The following F13B variants were observed in gnomAD, a reference collection of about 807,000 sequenced individuals.
F13B encodes the protein coagulation factor XIII B chain.
In F13B, 58 loss-of-function variants were observed where a neutral mutation model predicts 79.8. The ratio of observed to expected loss-of-function variants is 0.73; its 90% CI spans 0.59 to 0.90. The LOEUF is 0.90. Ranked by LOEUF, F13B falls within the 40% of genes least tolerant of loss-of-function variation. F13B has a pLI of 0.00. For missense variants in F13B, 773 were observed against 777.0 expected (o/e 0.99, Z 0.06); for synonymous variants, 283 against 260.3 (o/e 1.09, Z -0.84).
chr1:197,061,143 T>C lies in F13B; in HGVS notation c.452-68A>G, dbSNP rs1655847042. 12 of 847,326 alleles carry C rather than the reference T, an allele frequency of 1.4e-5. No homozygotes were observed. In the South Asian group the frequency reaches 2.2e-4, roughly 16 times the overall value. The allele number at this position is 847,326 out of a possible 1,614,324, so 52.5% of individuals were successfully genotyped here. Reference sequence around the variant, plus strand: ...ACCTAGATTATAAAAAATCTCAAAATATGGTTTTACAAATCTTAAGAATAC... The same window carrying C: ...ACCTAGATTATAAAAAATCTCAAAACATGGTTTTACAAATCTTAAGAATAC... On this transcript the variant is annotated intron_variant, in intron 3 of 11. Transcript: ENST00000367412.
rs1470382474 is a variant in F13B at position 197,053,432 on chromosome 1, G to C, written c.1355-598C>G. 2.0e-5 allele frequency among the ~76,000 whole-genome samples: 3 copies of C among 152,064 alleles called. No homozygotes were observed. In the East Asian group the frequency reaches 5.8e-4, roughly 29 times the overall value. ...ACAGTGAATAAGTCTCATGAGATCT[G>C]ATGGTTTTATAAAGGGGAGTTTCCC... On this transcript the variant is annotated intron_variant, in intron 8 of 11. Coordinates refer to ENST00000367412, the MANE Select transcript of F13B (RefSeq NM_001994.3).
intron 8 of F13B, among the ~76,000 whole-genome samples, 170 bp downstream of exon 8, chr1:197,055,545 A>C (rs972909826): frequency 2.0e-5 from 3 of 152,152 alleles, no homozygotes; most frequent in African/African-American, 7.2e-5. Context: ...ATATTTTACC[A>C]CAATAGAAAA....
chr1:197,067,247 AT>A lies in F13B; in HGVS notation c.-25del. On this transcript the variant is annotated 5_prime_UTR_variant, in exon 1 of 12. Transcript: ENST00000367412. Reference sequence around the variant, plus strand: ...ATCTTCAGTGGTGTGCTTCACAAAGATTTTAACAATTCTAAGCACTAGGAAC... The same window carrying A: ...ATCTTCAGTGGTGTGCTTCACAAAGATTTAACAATTCTAAGCACTAGGAAC... The A allele has an allele frequency of 1.3e-6, 2 of 1,563,306 alleles. No individual in the cohort carries two copies. The highest frequency in any genetic ancestry group is 1.8e-6 in the Non-Finnish European group (2 of 1,134,752).
Position 197,040,702 on chromosome 1 carries a change from T to G in F13B, c.1772A>C (p.Lys591Thr). The G allele has an allele frequency of 6.2e-7, 1 of 1,612,248 alleles. No homozygotes were observed. The highest frequency in any genetic ancestry group is 8.5e-7 in the Non-Finnish European group (1 of 1,178,838). The change falls in exon 11 of 12, where the codon AAG becomes ACG. Residue 591 changes from lysine (K) to threonine (T), a missense_variant. Coordinates refer to ENST00000367412, the MANE Select transcript of F13B (RefSeq NM_001994.3). Reference sequence around the variant, plus strand: ...ATCCCATTTCAGAAGTAAATTATTCTTTTCCATTTCAGTAAAAGATAATGT... The same window carrying G: ...ATCCCATTTCAGAAGTAAATTATTCGTTTCCATTTCAGTAAAAGATAATGT... ...PCTLSFTEME[K>T]NNLLLKWDFD...
chr1:197,048,432 T>A (rs962203063), intron 10 of F13B, among the ~76,000 whole-genome samples: 3 of 151,486 alleles, frequency 2.0e-5, no homozygotes, highest in Non-Finnish European at 4.4e-5. Context: ...AGTTAAGGGA[T>A]GGAAAAATGT....
intron 8 of F13B, 105 bp from the exon 9 acceptor site, chr1:197,052,939 A>C (rs1309885666): frequency 3.8e-6 from 3 of 796,942 alleles, no homozygotes; most frequent in Non-Finnish European, 2.0e-6. Context: ...AATATTTTAT[A>C]ATTGAAATCA....
Position 197,039,123 on chromosome 1 carries a change from A to G in F13B, c.*255T>C, listed in dbSNP as rs1654945603. 2.3e-6 allele frequency: 1 copy of G among 431,662 alleles called. No homozygotes were observed. Among genetic ancestry groups the G allele is most frequent in the East Asian group, 4.0e-5 (1 of 24,736 alleles). 26.7% of individuals were successfully genotyped at this position (431,662 alleles called of 1,614,324 possible). On this transcript the variant is annotated 3_prime_UTR_variant, in exon 12 of 12. Coordinates refer to ENST00000367412, the MANE Select transcript of F13B (RefSeq NM_001994.3). ...TCAATGGGCATTAGGAAATGAAAAT[A>G]TGATGTGTAGATTAATTTGTAACAG...
At chr1:197,044,025 C>A (rs967793515) in intron 10 of F13B, among the ~76,000 whole-genome samples, 2 of 151,092 alleles carry the variant, frequency 1.3e-5, no homozygotes, top group Admixed American at 6.6e-5. Flanking sequence ...TCCTATTCGG[C>A]CATCTTGGAA....
intron 3 of F13B, 43 bp from the exon 4 acceptor site, chr1:197,061,118 AC>A: frequency 1.0e-6 from 1 of 960,838 alleles, no homozygotes; most frequent in Non-Finnish European, 1.5e-6. Context: ...TTTTTTAATA[AC>A]CTAGATTATA....
At chr1:197,050,049 A>T (rs1165205673) in intron 10 of F13B, among the ~76,000 whole-genome samples, 1 of 152,158 alleles carries the variant, frequency 6.6e-6, no homozygotes, top group Non-Finnish European at 1.5e-5. Flanking sequence ...AAAAATATTT[A>T]TAACAACACA....
chr1:197,059,228 A>T (rs953512344), intron 5 of F13B, among the ~76,000 whole-genome samples: 1 of 152,170 alleles, frequency 6.6e-6, no homozygotes, highest in African/African-American at 2.4e-5. Flanking sequence ...AAAAATAAAA[A>T]ATAAATAAGG....
rs1484973129 is a variant in F13B at position 197,040,556 on chromosome 1, GC to G, written c.1917del (p.Gln640SerfsTer2). On this transcript the variant is annotated frameshift_variant, in exon 11 of 12. Coordinates refer to ENST00000367412, the MANE Select transcript of F13B (RefSeq NM_001994.3). LOFTEE classifies it low-confidence loss of function (END_TRUNC). ...GSILRMQCDR[G>X]QLKYPRCIPR... ...GGAATACATCTTGGATATTTTAACTGCCCTCTGTCACATTGCATTCTAAGTA... is the reference window on the plus strand; with the variant it reads ...GGAATACATCTTGGATATTTTAACTGCCTCTGTCACATTGCATTCTAAGTA... The G allele has an allele frequency of 2.5e-6, 4 of 1,611,286 alleles. No individual in the cohort carries two copies. Among genetic ancestry groups the G allele is most frequent in the Non-Finnish European group, 3.4e-6 (4 of 1,178,950 alleles).
At chr1:197,039,948 G>C (rs532924362) in intron 11 of F13B, among the ~76,000 whole-genome samples, 29 of 151,708 alleles carry the variant, frequency 1.9e-4, no homozygotes, top group Non-Finnish European at 7.4e-5. Context: ...CTTCAAAAAG[G>C]GTTAAAATTG....
intron 10 of F13B, among the ~76,000 whole-genome samples, chr1:197,041,991 G>A (rs1462800126): frequency 6.6e-6 from 1 of 152,190 alleles, no homozygotes. Flanking sequence ...ATCTGGGGCA[G>A]GAAGGATGGA....
intron 10 of F13B, among the ~76,000 whole-genome samples, chr1:197,047,499 T>TTTC (rs374260799): frequency 1.4e-4 from 21 of 152,146 alleles, no homozygotes; most frequent in African/African-American, 5.1e-4. Context: ...CAGCAGATGC[T>TTTC]GGAAAGGATG....
intron 2 of F13B, 120 bp from the exon 3 acceptor site, chr1:197,062,089 T>A (rs1655885373): frequency 1.2e-6 from 1 of 862,270 alleles, no homozygotes; most frequent in Non-Finnish European, 1.8e-6. Context: ...AATATCTGCA[T>A]AATTTTTTTG....
intron 8 of F13B, among the ~76,000 whole-genome samples, chr1:197,053,842 G>C (rs1655538059): frequency 6.6e-6 from 1 of 152,028 alleles, no homozygotes; most frequent in Non-Finnish European, 1.5e-5. Context: ...ATTTTCTTAT[G>C]AAAGAGTGTC....
At position 197,065,410 on chromosome 1, in the gene F13B, T is replaced by C. The variant is rs529714789; in HGVS notation, c.64+1750A>G. 2.0e-5 allele frequency among the ~76,000 whole-genome samples: 3 copies of C among 152,184 alleles called. No homozygotes were observed. The South Asian group carries it at 6.2e-4, about 32-fold the overall frequency. On this transcript the variant is annotated intron_variant, in intron 1 of 11. Coordinates refer to ENST00000367412, the MANE Select transcript of F13B (RefSeq NM_001994.3). ...CCAGGAAATCACAGATGTCTGAACA[T>C]ATTAAAAAAAGTACATGAAGCGATG...
At chr1:197,042,451 G>A (rs1655068566) in intron 10 of F13B, among the ~76,000 whole-genome samples, 1 of 151,940 alleles carries the variant, frequency 6.6e-6, no homozygotes, top group Admixed American at 6.6e-5. Flanking sequence ...GAAGCATTTC[G>A]AGGTATCAGA....
Sources: allele counts gnomAD v4.1 joint callset (sites outside exome capture counted in the v4.1 genomes callset), GRCh38; gene constraint gnomAD v4.1.1; transcripts MANE v1.5; gene names NCBI Gene and HGNC (gene_info 2026-07-23, HGNC 2026-07-21).